CCDC102B: variants seen among roughly 807,000 people sequenced by gnomAD.
CCDC102B encodes coiled-coil domain-containing protein 102B.
CCDC102B carries 75 observed loss-of-function variants against 57.4 expected under a neutral mutation model. The observed-to-expected ratio is 1.31, with a 90% CI of 1.08 to 1.58. The LOEUF is 1.58. Ranked by LOEUF, CCDC102B falls within the 40% of genes most tolerant of loss-of-function variation. The pLI is 0.00. For missense variants in CCDC102B, 636 were observed against 582.6 expected (o/e 1.09, Z -0.94); for synonymous variants, 206 against 201.9 (o/e 1.02, Z -0.17).
intron 6 of CCDC102B, among the ~76,000 whole-genome samples, chr18:68,898,056 G>A (rs1031365311): frequency 2.0e-5 from 3 of 151,918 alleles, no homozygotes; most frequent in East Asian, 1.9e-4. Flanking sequence ...TGCTATAGAC[G>A]GACATTTTTT....
At chr18:68,790,087 C>CT (rs2035376060) in intron 2 of CCDC102B, among the ~76,000 whole-genome samples, 1 of 148,006 alleles carries the variant, frequency 6.8e-6, no homozygotes, top group African/African-American at 2.6e-5. Context: ...GAATACCCTG[C>CT]CATGTGAGGT....
chr18:68,738,077 A>T (rs62100007), intron 2 of CCDC102B, among the ~76,000 whole-genome samples: 1 of 152,170 alleles, frequency 6.6e-6, no homozygotes, highest in Admixed American at 6.5e-5. Flanking sequence ...ATCCCCTTGC[A>T]GGGTGTCACA....
chr18:68,774,227 T>A (rs546494046), intron 2 of CCDC102B, among the ~76,000 whole-genome samples: 1 of 151,896 alleles, frequency 6.6e-6, no homozygotes, highest in Non-Finnish European at 1.5e-5. Context: ...GATTTGTCAC[T>A]ATTCCTAACT....
chr18:69,056,302 G>GCAACAATCA (rs2052813602), downstream of CCDC102B, among the ~76,000 whole-genome samples: 2 of 152,016 alleles, frequency 1.3e-5, no homozygotes, highest in South Asian at 4.1e-4. Context: ...ATCTTGGTGT[G>GCAACAATCA]CAACAATCAA....
rs1481593204 is a variant in CCDC102B, at chr18:68,778,857, C to T, written c.-66-44509C>T. ...CAAAGTGATTTCTAGTTATAATCTACAATGATGAAAAGGAAGAAAACCAGA... is the reference window on the plus strand; with the variant it reads ...CAAAGTGATTTCTAGTTATAATCTATAATGATGAAAAGGAAGAAAACCAGA... On this transcript the variant is annotated intron_variant, in intron 2 of 3. Coordinates refer to the CCDC102B transcript ENST00000578970. Among the ~76,000 whole-genome samples the T allele has an allele frequency of 4.3e-5, 5 of 116,480 alleles. No individual in the cohort carries two copies. In the East Asian group the frequency reaches 1.3e-3, roughly 30 times the overall value. The allele number at this position is 116,480 out of a possible 152,430, so 76.4% of individuals were successfully genotyped here.
chr18:68,776,298 C>A (rs1299324253), intron 2 of CCDC102B, among the ~76,000 whole-genome samples: 4 of 152,078 alleles, frequency 2.6e-5, no homozygotes, highest in Admixed American at 2.6e-4. Context: ...TATTTAAAAA[C>A]TACTTGGACA....
intron 6 of CCDC102B, among the ~76,000 whole-genome samples, chr18:68,942,462 G>C (rs557648279): frequency 1.3e-5 from 2 of 152,150 alleles, no homozygotes. Context: ...ATTATCGGGC[G>C]TTTCTCAGAG....
intron 6 of CCDC102B, among the ~76,000 whole-genome samples, chr18:68,990,617 A>G (rs572026170): frequency 3.9e-5 from 6 of 152,156 alleles, no homozygotes; most frequent in Admixed American, 1.3e-4. Flanking sequence ...GTGACTTTTT[A>G]TTCCCCATTA....
intron 6 of CCDC102B, among the ~76,000 whole-genome samples, chr18:69,010,464 T>G (rs569043958): frequency 6.8e-6 from 1 of 147,510 alleles, no homozygotes; most frequent in East Asian, 2.0e-4. Context: ...TTTCTGAGCC[T>G]GGTTCATGTG....
At chr18:68,734,116 T>G (rs1435571715) in intron 2 of CCDC102B, among the ~76,000 whole-genome samples, 4 of 152,214 alleles carry the variant, frequency 2.6e-5, no homozygotes, top group East Asian at 1.9e-4. Context: ...AAACCCACAC[T>G]ACTAAGAAGC....
intron 6 of CCDC102B, among the ~76,000 whole-genome samples, chr18:68,936,830 C>A (rs1424303916): frequency 6.7e-6 from 1 of 150,196 alleles, no homozygotes; most frequent in Non-Finnish European, 1.5e-5. Flanking sequence ...TACACATATA[C>A]ATATATACAT....
intron 4 of CCDC102B, among the ~76,000 whole-genome samples, chr18:68,857,265 AAATATATATAT>A (rs2038482172): frequency 4.3e-5 from 1 of 23,404 alleles, no homozygotes; most frequent in Admixed American, 1.0e-3. Flanking sequence ...TTAAATATAT[AAATATATATAT>A]AATATATATT....
chr18:68,858,640 T>A (rs1463688089), intron 4 of CCDC102B, among the ~76,000 whole-genome samples: 1 of 152,092 alleles, frequency 6.6e-6, no homozygotes, highest in Non-Finnish European at 1.5e-5. Flanking sequence ...ATGGGTTGTA[T>A]CCGTCACTTT....
chr18:68,715,993 A>G (rs2031946647), intron 1 of CCDC102B, among the ~76,000 whole-genome samples: 1 of 152,222 alleles, frequency 6.6e-6, no homozygotes, highest in Non-Finnish European at 1.5e-5. Context: ...CCTAGTGACT[A>G]GAAGATTAAA....
chr18:68,867,757 A>G (rs2039059628), intron 4 of CCDC102B, among the ~76,000 whole-genome samples: 1 of 144,878 alleles, frequency 6.9e-6, no homozygotes, highest in South Asian at 2.4e-4. Flanking sequence ...ACACGGTGAA[A>G]CCCCGTCTCT....
chr18:68,986,450 A>G lies in CCDC102B; in HGVS notation c.1264-24484A>G, dbSNP rs948216345. 4.6e-5 allele frequency among the ~76,000 whole-genome samples: 7 copies of G among 152,316 alleles called. No individual in the cohort carries two copies. In the East Asian group the frequency reaches 7.7e-4, roughly 17 times the overall value. ...TTTTGATAGAATCCAACATCCTTTC[A>G]TGATAAAAACCGTCAACAGAATAGG... On this transcript the variant is annotated intron_variant, in intron 6 of 7. Coordinates refer to ENST00000360242, the MANE Select transcript of CCDC102B (RefSeq NM_024781.3).
At chr18:68,905,824 A>T (rs1321252612) in intron 6 of CCDC102B, among the ~76,000 whole-genome samples, 2 of 107,796 alleles carry the variant, frequency 1.9e-5, no homozygotes, top group Admixed American at 3.0e-4. Context: ...GACAGAGTCT[A>T]GCTCTGTCAC....
chr18:68,782,681 A>C (rs1240393394), intron 2 of CCDC102B, among the ~76,000 whole-genome samples: 2 of 152,230 alleles, frequency 1.3e-5, no homozygotes, highest in Non-Finnish European at 2.9e-5. Flanking sequence ...GATTTGACTT[A>C]ATCAGCATTG....
In CCDC102B at chr18:68,837,042, G is replaced by C; in HGVS notation, c.279G>C (p.Arg93=). The change falls in exon 2 of 8, where the codon CGG becomes CGC. Residue 93 remains arginine, a synonymous_variant. Coordinates refer to ENST00000360242, the MANE Select transcript of CCDC102B (RefSeq NM_024781.3). ...CTGCTCAGATGGAAAAGACCATGCGGTGGTGGTCGGACTGCACTGCCAACT... is the reference window on the plus strand; with the variant it reads ...CTGCTCAGATGGAAAAGACCATGCGCTGGTGGTCGGACTGCACTGCCAACT... The part of the protein sequence containing the change: ...ARAAQMEKTM[R]WWSDCTANWR... The C allele has an allele frequency of 1.2e-6, 2 of 1,614,192 alleles. No individual in the cohort carries two copies. Among genetic ancestry groups the C allele is most frequent in the Non-Finnish European group, 1.7e-6 (2 of 1,180,036 alleles).
Sources: gnomAD v4.1 joint callset for allele counts (sites outside exome capture counted in the v4.1 genomes callset) on GRCh38, gnomAD v4.1.1 for gene constraint, MANE v1.5 for transcripts, NCBI Gene and HGNC (gene_info 2026-07-23, HGNC 2026-07-21) for gene names.